The following ROBO1 variants were observed in gnomAD, a reference collection of about 807,000 sequenced individuals.
ROBO1 encodes the protein roundabout guidance receptor 1.
In ROBO1, 149 loss-of-function variants were observed where a neutral mutation model predicts 195.9. The ratio of observed to expected loss-of-function variants is 0.76; its 90% CI spans 0.67 to 0.87. ROBO1 has a LOEUF of 0.87. ROBO1 is among the 40% of genes least tolerant of loss of function. ROBO1 has a pLI of 0.00. For synonymous variants in ROBO1, 816 were observed against 733.2 expected, an observed-to-expected ratio of 1.11 and a Z score of -1.82; for missense variants, 1,933 against 2,068.3, an observed-to-expected ratio of 0.93 and a Z score of 1.27.
intron 2 of ROBO1, among the ~76,000 whole-genome samples, chr3:79,253,828 C>T (rs1479820604): frequency 6.6e-6 from 1 of 152,170 alleles, no homozygotes. Context: ...CTGACTATAA[C>T]TGAGTAACTC....
At position 78,787,100 on chromosome 3, in the gene ROBO1, G is replaced by A. The variant is rs954333773; in HGVS notation, c.500-40200C>T. The stretch of plus-strand genomic sequence containing the variant: ...AACCCCAAGTTTTTGATTCAGTTAC[G>A]CTAGTGTAGGACCTGAGAATTTGAT... On this transcript the variant is annotated intron_variant, in intron 4 of 30. Transcript: ENST00000464233. 7.2e-5 allele frequency among the ~76,000 whole-genome samples: 11 copies of A among 152,112 alleles called. 1 individual carries two copies. The highest frequency in any genetic ancestry group is 1.9e-4 in the East Asian group (1 of 5,174).
intron 3 of ROBO1, among the ~76,000 whole-genome samples, chr3:79,036,175 T>C (rs377274715): frequency 1.3e-5 from 2 of 152,180 alleles, no homozygotes; most frequent in Admixed American, 6.5e-5. Context: ...TAAATGTTTA[T>C]AAACATAAAA....
At chr3:79,419,838 C>A (rs1018037975) in intron 2 of ROBO1, among the ~76,000 whole-genome samples, 15 of 151,976 alleles carry the variant, frequency 9.9e-5, no homozygotes, top group Non-Finnish European at 2.1e-4. Context: ...AAAACTAACT[C>A]TTTGAAGACT....
intron 2 of ROBO1, among the ~76,000 whole-genome samples, chr3:79,283,792 G>A (rs1299617120): frequency 6.6e-6 from 1 of 151,296 alleles, no homozygotes; most frequent in African/African-American, 2.4e-5. Context: ...CCGCCTCCCG[G>A]GTTCACGCCA....
chr3:79,749,170 T>TAAGGGTGAAAA (rs1704012119), intron 1 of ROBO1, among the ~76,000 whole-genome samples: 2 of 151,884 alleles, frequency 1.3e-5, no homozygotes, highest in African/African-American at 4.8e-5. Context: ...GAAACTGGAG[T>TAAGGGTGAAAA]AAGGGTGAAT....
At position 78,646,227 on chromosome 3, in the gene ROBO1, G is replaced by A. The variant is rs1706280990; in HGVS notation, c.2840-37C>T. 1.9e-6 allele frequency: 3 copies of A among 1,570,888 alleles called. No homozygotes were observed. The East Asian group carries it at 6.7e-5, about 35-fold the overall frequency. On this transcript the variant is annotated intron_variant, in intron 20 of 30. Coordinates refer to ENST00000464233, the MANE Select transcript of ROBO1 (RefSeq NM_002941.4). ...CGAAAAAAAAAAGGAACAATTAATA[G>A]ACATATTTATATATCAAAAGCTATT...
chr3:79,012,496 C>A (rs531429159), intron 3 of ROBO1, among the ~76,000 whole-genome samples: 12 of 152,296 alleles, frequency 7.9e-5, no homozygotes, highest in Non-Finnish European at 1.3e-4. Context: ...ATTAATTAAA[C>A]AAAATAAACA....
chr3:79,207,289 T>C lies in ROBO1; in HGVS notation c.89-81750A>G, dbSNP rs1470246775. On this transcript the variant is annotated intron_variant, in intron 2 of 30. Transcript: ENST00000464233. ...CCAAAATCATTAGTAGAAGAACTTC[T>C]ACATGTCATAAAACAATGCCTCTTA... 3.9e-5 allele frequency among the ~76,000 whole-genome samples: 6 copies of C among 152,180 alleles called. No homozygotes were observed. The South Asian group carries it at 1.0e-3, about 26-fold the overall frequency.
intron 3 of ROBO1, among the ~76,000 whole-genome samples, chr3:79,017,089 A>G (rs2077960485): frequency 6.6e-6 from 1 of 152,106 alleles, no homozygotes; most frequent in African/African-American, 2.4e-5. Flanking sequence ...CCAGGTTGAA[A>G]CTTCACTTTC....
chr3:79,337,439 G>A (rs541443571), intron 2 of ROBO1, among the ~76,000 whole-genome samples: 14 of 152,178 alleles, frequency 9.2e-5, no homozygotes, highest in South Asian at 4.2e-4. Context: ...TAGGGACTTC[G>A]CTCCTCACTT....
intron 2 of ROBO1, among the ~76,000 whole-genome samples, chr3:79,194,499 G>A (rs1004040651): frequency 6.6e-6 from 1 of 151,610 alleles, no homozygotes; most frequent in African/African-American, 2.4e-5. Context: ...AAAATACTTG[G>A]ACACGAGGGA....
chr3:78,948,765 C>G (rs187414022), intron 3 of ROBO1, among the ~76,000 whole-genome samples: 1,605 of 152,252 alleles, frequency 0.011, 34 homozygotes, highest in African/African-American at 0.034. Flanking sequence ...CTAGAAAACC[C>G]CATCGTCTCA....
At chr3:78,631,975 G>A (rs1462325737) in intron 24 of ROBO1, among the ~76,000 whole-genome samples, 1 of 152,132 alleles carries the variant, frequency 6.6e-6, no homozygotes, top group Non-Finnish European at 1.5e-5. Context: ...TCATTCAAGT[G>A]CTCCAGTGTT....
In ROBO1 at chr3:78,820,708, G is replaced by A. The variant is rs1365634900; in HGVS notation, c.500-73808C>T. 2.0e-5 allele frequency among the ~76,000 whole-genome samples: 3 copies of A among 152,284 alleles called. No homozygotes were observed. In the East Asian group the frequency reaches 5.8e-4, roughly 29 times the overall value. ...TTTCTCATGCCAATAACCTCAGCTA[G>A]TCCGAGAAGCCTCACATACTAGTCT... On this transcript the variant is annotated intron_variant, in intron 4 of 30. Transcript: ENST00000464233.
chr3:78,850,681 C>T (rs2033997986), intron 4 of ROBO1, among the ~76,000 whole-genome samples: 1 of 152,122 alleles, frequency 6.6e-6, no homozygotes, highest in Non-Finnish European at 1.5e-5. Flanking sequence ...GATAGGAAGG[C>T]ACGAGCACTG....
chr3:78,746,283 A>G (rs1334910599), intron 5 of ROBO1, among the ~76,000 whole-genome samples: 1 of 152,156 alleles, frequency 6.6e-6, no homozygotes, highest in Non-Finnish European at 1.5e-5. Context: ...ATAAGATTTT[A>G]TTTTTCAGAA....
At chr3:78,720,888 G>A (rs1214275205) in intron 5 of ROBO1, among the ~76,000 whole-genome samples, 2 of 148,520 alleles carry the variant, frequency 1.3e-5, no homozygotes, top group Non-Finnish European at 3.0e-5. Flanking sequence ...GGTGGGAACT[G>A]AACAATGAGA....
chr3:79,377,830 A>G (rs935796524), intron 2 of ROBO1, among the ~76,000 whole-genome samples: 3 of 152,154 alleles, frequency 2.0e-5, no homozygotes, highest in African/African-American at 7.2e-5. Context: ...CGGTCGTGCT[A>G]GCAGATCAGA....
intron 1 of ROBO1, among the ~76,000 whole-genome samples, chr3:79,743,269 G>A (rs759587412): frequency 3.9e-5 from 6 of 152,136 alleles, no homozygotes; most frequent in South Asian, 2.1e-4. Context: ...CTGTACAAAA[G>A]GTTACTTTAC....
Sources: gnomAD v4.1 joint callset for allele counts (sites outside exome capture counted in the v4.1 genomes callset) on GRCh38, gnomAD v4.1.1 for gene constraint, MANE v1.5 for transcripts, NCBI Gene and HGNC (gene_info 2026-07-23, HGNC 2026-07-21) for gene names.